Variants in DOCK2 observed in about 807,000 individuals in gnomAD.
DOCK2 encodes the protein dedicator of cytokinesis 2.
DOCK2 carries 87 observed loss-of-function variants against 248.9 expected under a neutral mutation model. The ratio of observed to expected loss-of-function variants is 0.35; its 90% CI spans 0.29 to 0.42. The LOEUF (loss-of-function observed/expected upper bound fraction) is 0.42, where lower values mean the gene tolerates loss of function less well. DOCK2 is among the 10% of genes least tolerant of loss of function. The pLI, the probability that DOCK2 is intolerant of heterozygous loss-of-function variation, is 1.00. For missense variants in DOCK2, 1,747 were observed against 2,300.2 expected (o/e 0.76, Z 4.92); for synonymous variants, 805 against 821.6 (o/e 0.98, Z 0.35).
At chr5:169,728,451 G>A (rs893270271) in intron 22 of DOCK2, among the ~76,000 whole-genome samples, 21 of 152,106 alleles carry the variant, frequency 1.4e-4, no homozygotes, top group African/African-American at 4.6e-4. Context: ...CCCACTGAAA[G>A]CTGGATTAGG....
intron 27 of DOCK2, among the ~76,000 whole-genome samples, chr5:169,897,003 C>T (rs188718525): frequency 9.9e-5 from 15 of 152,266 alleles, no homozygotes; most frequent in African/African-American, 3.6e-4. Flanking sequence ...TTACTTAGTG[C>T]TTAGTGCTAG....
chr5:170,073,087 G>T (rs538280879), intron 46 of DOCK2, among the ~76,000 whole-genome samples: 73 of 152,274 alleles, frequency 4.8e-4, no homozygotes, highest in Non-Finnish European at 7.6e-4. Flanking sequence ...ACTACCCCAA[G>T]ATCATGAAGA....
intron 27 of DOCK2, among the ~76,000 whole-genome samples, chr5:169,945,391 T>G (rs963753819): frequency 6.6e-6 from 1 of 152,274 alleles, no homozygotes; most frequent in African/African-American, 2.4e-5. Context: ...TTGAACTCTT[T>G]GGGTCTCAGA....
chr5:169,637,927 T>C (rs1048712210), intron 1 of DOCK2, among the ~76,000 whole-genome samples: 13 of 151,982 alleles, frequency 8.6e-5, no homozygotes, highest in Admixed American at 2.0e-4. Flanking sequence ...CCAGAGCCTC[T>C]GGGGAAAAAG....
intron 26 of DOCK2, among the ~76,000 whole-genome samples, chr5:169,804,542 A>T (rs1228903416): frequency 6.6e-6 from 1 of 151,268 alleles, no homozygotes; most frequent in Non-Finnish European, 1.5e-5. Flanking sequence ...AAGGAGGTGA[A>T]GCTTCAGCTA....
At chr5:170,004,020 G>C (rs1561875869) in intron 30 of DOCK2, among the ~76,000 whole-genome samples, 1 of 152,106 alleles carries the variant, frequency 6.6e-6, no homozygotes, top group Non-Finnish European at 1.5e-5. Context: ...GCTCATAAAG[G>C]TCTTCCAGAA....
At chr5:169,815,147 G>A (rs1295803939) in intron 26 of DOCK2, among the ~76,000 whole-genome samples, 2 of 152,158 alleles carry the variant, frequency 1.3e-5, no homozygotes, top group African/African-American at 4.8e-5. Context: ...CCTAGGCCAG[G>A]GTATAGGACT....
chr5:169,828,653 CAAAT>C (rs1254324692), intron 26 of DOCK2, among the ~76,000 whole-genome samples: 1 of 152,124 alleles, frequency 6.6e-6, no homozygotes, highest in East Asian at 1.9e-4. Context: ...CATTTCCTGT[CAAAT>C]AACCCCTTAG....
chr5:170,063,035 T>C (rs1038155768), intron 44 of DOCK2, among the ~76,000 whole-genome samples: 28 of 152,180 alleles, frequency 1.8e-4, no homozygotes, highest in African/African-American at 6.5e-4. Flanking sequence ...CACATTGAGT[T>C]TCCCAACTTT....
chr5:170,042,158 T>G, intron 38 of DOCK2, 26 bp downstream of exon 38: 1 of 1,585,480 alleles, frequency 6.3e-7, no homozygotes, highest in East Asian at 2.3e-5. Context: ...CCACCCCCCG[T>G]GGGGACCCTG....
At chr5:169,882,588 A>C in intron 27 of DOCK2, 1 of 1,550,662 alleles carries the variant, frequency 6.4e-7, no homozygotes, top group Non-Finnish European at 8.7e-7. Flanking sequence ...CCAAGTCTTG[A>C]ATTACATTCA....
chr5:169,655,695 GACAC>G (rs1484697982), intron 2 of DOCK2, among the ~76,000 whole-genome samples: 2 of 151,976 alleles, frequency 1.3e-5, no homozygotes, highest in Admixed American at 6.6e-5. Context: ...CACACACACA[GACAC>G]ACACAAAGAC....
intron 40 of DOCK2, 145 bp from the exon 41 acceptor site, chr5:170,050,111 C>T: frequency 9.1e-7 from 1 of 1,093,406 alleles, no homozygotes; most frequent in Non-Finnish European, 1.3e-6. Flanking sequence ...TTGAGCCCTT[C>T]CTTTCCCTGT....
chr5:169,937,690 A>G (rs960458432), intron 27 of DOCK2, among the ~76,000 whole-genome samples: 1 of 152,204 alleles, frequency 6.6e-6, no homozygotes, highest in Non-Finnish European at 1.5e-5. Flanking sequence ...TATTTTGTCT[A>G]TTCTTCTAAA....
chr5:169,669,743 T>C (rs777493475), intron 3 of DOCK2, among the ~76,000 whole-genome samples: 1 of 152,218 alleles, frequency 6.6e-6, no homozygotes, highest in Non-Finnish European at 1.5e-5. Context: ...TGAGGGGTTC[T>C]CTTGTTCTAA....
chr5:169,808,217 A>G (rs929783448), intron 26 of DOCK2, among the ~76,000 whole-genome samples: 5 of 152,148 alleles, frequency 3.3e-5, no homozygotes, highest in African/African-American at 1.2e-4. Context: ...AATAGAGACT[A>G]TGTCCACCTA....
intron 27 of DOCK2, among the ~76,000 whole-genome samples, chr5:169,954,023 T>G (rs1776768809): frequency 1.3e-5 from 2 of 152,360 alleles, no homozygotes; most frequent in African/African-American, 4.8e-5. Flanking sequence ...TATTCTATAC[T>G]CTGGTTCTAG....
intron 4 of DOCK2, 108 bp downstream of exon 4, chr5:169,670,705 C>A (rs1336230691): frequency 6.1e-6 from 8 of 1,309,644 alleles, no homozygotes; most frequent in Admixed American, 2.1e-5. Context: ...CTCAGCTTAT[C>A]TTCTTTGTGC....
At chr5:169,910,549 C>T (rs1774537290) in intron 27 of DOCK2, among the ~76,000 whole-genome samples, 1 of 140,652 alleles carries the variant, frequency 7.1e-6, no homozygotes, top group Non-Finnish European at 1.6e-5. Flanking sequence ...GCATCCTTTC[C>T]CTGTGTGCCC....
Sources: allele counts gnomAD v4.1 joint callset (sites outside exome capture counted in the v4.1 genomes callset), GRCh38; gene constraint gnomAD v4.1.1; transcripts MANE v1.5; gene names NCBI Gene and HGNC (gene_info 2026-07-23, HGNC 2026-07-21).